ZNF423: variants seen among roughly 807,000 people sequenced by gnomAD.
ZNF423 encodes Ebf-associated zinc finger protein.
In ZNF423, 12 loss-of-function variants were observed where a neutral mutation model predicts 95.8. That is an observed-to-expected ratio of 0.13 (90% CI 0.08 to 0.20). The LOEUF (loss-of-function observed/expected upper bound fraction) is 0.20, where lower values mean the gene tolerates loss of function less well. Among genes scored for constraint, ZNF423 ranks in the 10% least tolerant of loss-of-function variants. ZNF423 has a pLI of 1.00. For missense variants in ZNF423, 1,316 were observed against 1,737.1 expected (o/e 0.76, Z 4.31); for synonymous variants, 749 against 711.9 (o/e 1.05, Z -0.83).
chr16:49,552,109 G>A (rs1969662083), intron 5 of ZNF423, among the ~76,000 whole-genome samples: 2 of 152,210 alleles, frequency 1.3e-5, no homozygotes, highest in African/African-American at 4.8e-5. Context: ...GCCATGGAAG[G>A]GGTGTGGGCT....
At chr16:49,522,305 G>A (rs768164435) in intron 7 of ZNF423, among the ~76,000 whole-genome samples, 1 of 152,312 alleles carries the variant, frequency 6.6e-6, no homozygotes, top group African/African-American at 2.4e-5. Context: ...CACAATGTGA[G>A]AGAAGGTGGC....
intron 1 of ZNF423, among the ~76,000 whole-genome samples, chr16:49,828,483 G>A (rs185954992): frequency 2.6e-5 from 4 of 152,104 alleles, no homozygotes; most frequent in East Asian, 1.9e-4. Flanking sequence ...TACTCACACC[G>A]ACACTTCCCA....
intron 3 of ZNF423, among the ~76,000 whole-genome samples, chr16:49,646,574 C>CTTTTTTTTTTTTTTTGTTTTTTTTTTTTT (rs71380366): frequency 8.5e-6 from 1 of 118,010 alleles, no homozygotes; most frequent in Non-Finnish European, 1.9e-5. Flanking sequence ...TTTTCTTTTT[C>CTTTTTTTTTTTTTTTGTTTTTTTTTTTTT]TTTTTTTTTT....
chr16:49,653,441 AGGTG>A (rs1973493071), intron 3 of ZNF423, among the ~76,000 whole-genome samples: 1 of 152,210 alleles, frequency 6.6e-6, no homozygotes, highest in Admixed American at 6.5e-5. Flanking sequence ...TATTAAGTAT[AGGTG>A]AAGCTTTTCT....
At chr16:49,714,612 C>T (rs2032646935) in intron 3 of ZNF423, among the ~76,000 whole-genome samples, 2 of 140,162 alleles carry the variant, frequency 1.4e-5, no homozygotes, top group Non-Finnish European at 3.0e-5. Context: ...CGCCACTGCA[C>T]TCCAGCCTGG....
intron 5 of ZNF423, among the ~76,000 whole-genome samples, chr16:49,600,593 A>G (rs1297846562): frequency 1.3e-5 from 2 of 152,080 alleles, no homozygotes; most frequent in Non-Finnish European, 1.5e-5. Flanking sequence ...AAGGGCCCCC[A>G]CAGCAGGGGA....
intron 5 of ZNF423, among the ~76,000 whole-genome samples, chr16:49,533,084 G>T (rs1968918792): frequency 6.6e-6 from 1 of 152,148 alleles, no homozygotes; most frequent in Non-Finnish European, 1.5e-5. Flanking sequence ...TCCAGCATCT[G>T]GTCCAGGCCC....
chr16:49,774,878 AT>A (rs2034095058), intron 2 of ZNF423, among the ~76,000 whole-genome samples: 1 of 152,178 alleles, frequency 6.6e-6, no homozygotes, highest in Non-Finnish European at 1.5e-5. Context: ...TGAAGGACAG[AT>A]TCTGAGCCCA....
intron 3 of ZNF423, among the ~76,000 whole-genome samples, chr16:49,667,574 T>C (rs1284488124): frequency 1.3e-5 from 2 of 152,164 alleles, no homozygotes; most frequent in Non-Finnish European, 2.9e-5. Context: ...AATTGTTATC[T>C]CCATGTCACA....
chr16:49,597,271 C>A (rs1341972683), intron 5 of ZNF423, among the ~76,000 whole-genome samples: 1 of 152,162 alleles, frequency 6.6e-6, no homozygotes, highest in African/African-American at 2.4e-5. Flanking sequence ...GGAGGGTCTC[C>A]TACCTAGAGC....
intron 7 of ZNF423, among the ~76,000 whole-genome samples, chr16:49,493,484 C>G (rs1001779498): frequency 6.6e-6 from 1 of 152,200 alleles, no homozygotes; most frequent in Non-Finnish European, 1.5e-5. Context: ...GCAGGCACAG[C>G]TGCCCAGGAG....
intron 1 of ZNF423, among the ~76,000 whole-genome samples, chr16:49,835,799 A>T (rs976826523): frequency 6.6e-6 from 1 of 152,186 alleles, no homozygotes; most frequent in African/African-American, 2.4e-5. Flanking sequence ...AGGGAGGGGA[A>T]GAGGAGCTGC....
intron 5 of ZNF423, among the ~76,000 whole-genome samples, chr16:49,595,560 A>G (rs1241241588): frequency 1.3e-5 from 2 of 152,244 alleles, no homozygotes; most frequent in Non-Finnish European, 2.9e-5. Context: ...AGTGCCCACC[A>G]GTACCTGCAT....
chr16:49,507,795 T>C (rs918503576), intron 7 of ZNF423, among the ~76,000 whole-genome samples: 1 of 152,172 alleles, frequency 6.6e-6, no homozygotes, highest in Admixed American at 6.5e-5. Context: ...ACCAATGAGA[T>C]AATAATTGCA....
At chr16:49,549,156 C>T (rs1969541714) in intron 5 of ZNF423, among the ~76,000 whole-genome samples, 2 of 152,184 alleles carry the variant, frequency 1.3e-5, no homozygotes, top group Admixed American at 6.5e-5. Flanking sequence ...CACAGATCTG[C>T]ATGTGAGGAC....
At chr16:49,766,593 C>T (rs542544470) in intron 2 of ZNF423, among the ~76,000 whole-genome samples, 2 of 152,288 alleles carry the variant, frequency 1.3e-5, no homozygotes, top group East Asian at 3.9e-4. Context: ...TTTCAGATCC[C>T]GGGAGGCCCA....
In ZNF423 at chr16:49,680,919, C is replaced by A. The variant is rs973105499; in HGVS notation, c.302-42045G>T. On this transcript the variant is annotated intron_variant, in intron 3 of 7. Coordinates refer to ENST00000563137, the MANE Select transcript of ZNF423 (RefSeq NM_001379286.1). ...GGTTTCTGGCTGGTGAAGCAACACC[C>A]CAAGGATCCTGTGACACCAACTTAG... is the stretch of plus-strand genomic sequence containing the variant. 3.3e-5 allele frequency among the ~76,000 whole-genome samples: 5 copies of A among 151,980 alleles called. No homozygotes were observed. In the East Asian group the frequency reaches 9.7e-4, roughly 30 times the overall value.
At chr16:49,593,634 G>T (rs1971088833) in intron 5 of ZNF423, among the ~76,000 whole-genome samples, 1 of 152,038 alleles carries the variant, frequency 6.6e-6, no homozygotes, top group Non-Finnish European at 1.5e-5. Context: ...CAAGCCATAT[G>T]CCCTCCGTGC....
chr16:49,615,938 C>G (rs905978405), intron 5 of ZNF423, among the ~76,000 whole-genome samples: 1 of 152,100 alleles, frequency 6.6e-6, no homozygotes, highest in Admixed American at 6.5e-5. Context: ...CCAGGGAGGC[C>G]GCTGCATACG....
Sources: allele counts gnomAD v4.1 joint callset (sites outside exome capture counted in the v4.1 genomes callset), GRCh38; gene constraint gnomAD v4.1.1; transcripts MANE v1.5; gene names NCBI Gene and HGNC (gene_info 2026-07-23, HGNC 2026-07-21).